ZNF469: variants seen among roughly 807,000 people sequenced by gnomAD.
The protein encoded by ZNF469 is zinc finger protein 469.
In ZNF469, 1 loss-of-function variant was observed where a neutral mutation model predicts 1.0. That is an observed-to-expected ratio of 1.00 (90% CI 0.35 to 4.73). The LOEUF (loss-of-function observed/expected upper bound fraction) is 4.73, where lower values mean the gene tolerates loss of function less well. Ranked by LOEUF, ZNF469 falls within the 30% of genes most tolerant of loss-of-function variation. ZNF469 has a pLI of 0.16. For synonymous variants in ZNF469, 2,703 were observed against 2,363.4 expected, an observed-to-expected ratio of 1.14 and a Z score of -4.17; for missense variants, 6,100 against 5,356.3, an observed-to-expected ratio of 1.14 and a Z score of -4.33.
the ZNF469 span, among the ~76,000 whole-genome samples, chr16:88,204,582 A>G: frequency 6.6e-6 from 1 of 152,258 alleles, no homozygotes; most frequent in African/African-American, 2.4e-5. Context: ...TTTCTCCGAC[A>G]GGAGGAAGAG....
chr16:88,172,511 A>G, the ZNF469 span, among the ~76,000 whole-genome samples: 1 of 152,220 alleles, frequency 6.6e-6, no homozygotes, highest in Admixed American at 6.5e-5. Context: ...CATTGCACAT[A>G]AAGTCCAACG....
chr16:88,125,364 C>A, the ZNF469 span, among the ~76,000 whole-genome samples: 1 of 152,200 alleles, frequency 6.6e-6, no homozygotes, highest in Admixed American at 6.5e-5. Flanking sequence ...AGAATTGGTA[C>A]CAATCCTATT....
the ZNF469 span, among the ~76,000 whole-genome samples, chr16:88,272,391 GATGGTGACTGGATGGATGA>G: frequency 6.9e-6 from 1 of 145,984 alleles, no homozygotes; most frequent in South Asian, 2.2e-4. Flanking sequence ...TAGGTGGATG[GATGGTGACTGGATGGATGA>G]ATGGTGGATA....
the ZNF469 span, among the ~76,000 whole-genome samples, chr16:88,314,005 C>G: frequency 2.7e-5 from 4 of 150,282 alleles, no homozygotes; most frequent in African/African-American, 7.4e-5. Context: ...CTGGTGTGGA[C>G]TGTCATCTCT....
chr16:88,370,205 T>C, the ZNF469 span, among the ~76,000 whole-genome samples: 1 of 152,230 alleles, frequency 6.6e-6, no homozygotes, highest in African/African-American at 2.4e-5. Context: ...TACACGCACC[T>C]ATTCGGCACA....
chr16:88,371,957 CCAT>C, the ZNF469 span, among the ~76,000 whole-genome samples: 2 of 136,900 alleles, frequency 1.5e-5, no homozygotes, highest in Non-Finnish European at 3.2e-5. Context: ...ACCATCACCA[CCAT>C]CATCACCATC....
the ZNF469 span, among the ~76,000 whole-genome samples, chr16:88,200,785 C>G: frequency 3.3e-5 from 5 of 152,276 alleles, no homozygotes; most frequent in Non-Finnish European, 7.3e-5. Context: ...TCTTCTGAGG[C>G]TGCTGAGACT....
At chr16:88,294,905 G>A in the ZNF469 span, 1,200 of 159,914 alleles carry the variant, frequency 7.5e-3, 1 homozygote, top group Non-Finnish European at 0.013. Flanking sequence ...TGTGCTGTTG[G>A]GGCATCCATG....
At chr16:88,361,124 T>C in the ZNF469 span, among the ~76,000 whole-genome samples, 1 of 152,184 alleles carries the variant, frequency 6.6e-6, no homozygotes, top group African/African-American at 2.4e-5. Context: ...AGGCATTAGA[T>C]TCTCATAAGG....
chr16:88,200,987 C>T, the ZNF469 span, among the ~76,000 whole-genome samples: 9 of 152,364 alleles, frequency 5.9e-5, no homozygotes, highest in East Asian at 5.8e-4. Context: ...GCGAGAGGGC[C>T]GGGCCAGCTG....
chr16:88,349,887 C>CGCAA, the ZNF469 span, among the ~76,000 whole-genome samples: 1 of 139,254 alleles, frequency 7.2e-6, no homozygotes, highest in Non-Finnish European at 1.6e-5. Context: ...ACACCACACA[C>CGCAA]TTGCACACAC....
At chr16:88,128,291 G>T in the ZNF469 span, among the ~76,000 whole-genome samples, 2 of 152,158 alleles carry the variant, frequency 1.3e-5, no homozygotes, top group African/African-American at 4.8e-5. Context: ...GGTGATCCTG[G>T]GTAACTTGGG....
the ZNF469 span, among the ~76,000 whole-genome samples, chr16:88,341,944 G>A: frequency 4.6e-4 from 70 of 152,266 alleles, no homozygotes; most frequent in Non-Finnish European, 8.2e-4. Flanking sequence ...GTGTCGGGGC[G>A]GCCAGCATTG....
intron 1 of ZNF469, among the ~76,000 whole-genome samples, chr16:88,383,617 C>A (rs1234841134): frequency 1.3e-5 from 2 of 150,524 alleles, no homozygotes; most frequent in East Asian, 3.9e-4. Flanking sequence ...GGAGCGGGAC[C>A]TCCGGGCGGG....
chr16:88,312,016 C>T, the ZNF469 span, among the ~76,000 whole-genome samples: 4 of 152,134 alleles, frequency 2.6e-5, no homozygotes, highest in Admixed American at 6.5e-5. Flanking sequence ...CTGTGGAGGC[C>T]TCACATTCAT....
chr16:88,422,656 GTGGA>G (rs942038545), intron 1 of ZNF469, among the ~76,000 whole-genome samples: 1 of 148,156 alleles, frequency 6.7e-6, no homozygotes, highest in Non-Finnish European at 1.5e-5. Flanking sequence ...GGATGAGTGG[GTGGA>G]TGGATGGGTG....
At chr16:88,179,419 G>A in the ZNF469 span, among the ~76,000 whole-genome samples, 2 of 152,202 alleles carry the variant, frequency 1.3e-5, no homozygotes, top group Admixed American at 1.3e-4. Context: ...TCCACCCTAA[G>A]CAGGAGCAGC....
chr16:88,226,126 C>T, the ZNF469 span, among the ~76,000 whole-genome samples: 54 of 152,280 alleles, frequency 3.5e-4, no homozygotes, highest in Non-Finnish European at 7.1e-4. Flanking sequence ...TTTTCGCAGG[C>T]GTCTGTGCTG....
chr16:88,289,180 TTGA>T, the ZNF469 span, among the ~76,000 whole-genome samples: 8,028 of 148,468 alleles, frequency 0.054, 683 homozygotes, highest in African/African-American at 0.19. Flanking sequence ...GATGAGGGTG[TTGA>T]TGATGATTAG....
Sources: allele counts gnomAD v4.1 joint callset (sites outside exome capture counted in the v4.1 genomes callset), GRCh38; gene constraint gnomAD v4.1.1; transcripts MANE v1.5; gene names NCBI Gene and HGNC (gene_info 2026-07-23, HGNC 2026-07-21).